Variants in PTCHD4 observed in about 807,000 individuals in gnomAD.
PTCHD4 encodes patched domain-containing protein 4.
PTCHD4 carries 33 observed loss-of-function variants against 58.1 expected under a neutral mutation model. The observed-to-expected ratio is 0.57, with a 90% CI of 0.43 to 0.76. The LOEUF is 0.76. Among genes scored for constraint, PTCHD4 ranks in the 30% least tolerant of loss-of-function variants. The pLI, the probability that PTCHD4 is intolerant of heterozygous loss-of-function variation, is 0.00. For missense variants in PTCHD4, 1,058 were observed against 1,027.1 expected (o/e 1.03, Z -0.41); for synonymous variants, 478 against 409.6 (o/e 1.17, Z -2.02).
chr6:47,972,923 C>T (rs1767570849), intron 4 of PTCHD4, among the ~76,000 whole-genome samples: 1 of 152,006 alleles, frequency 6.6e-6, no homozygotes, highest in Non-Finnish European at 1.5e-5. Flanking sequence ...AATTTTATGG[C>T]TTGCAAGTTG....
At chr6:47,929,569 A>G (rs367843579) in intron 4 of PTCHD4, among the ~76,000 whole-genome samples, 4 of 152,204 alleles carry the variant, frequency 2.6e-5, no homozygotes, top group African/African-American at 9.6e-5. Context: ...CTAACAAATC[A>G]CCATTACATT....
At chr6:47,953,827 T>C (rs1202606990) in intron 4 of PTCHD4, among the ~76,000 whole-genome samples, 1 of 152,242 alleles carries the variant, frequency 6.6e-6, no homozygotes, top group Non-Finnish European at 1.5e-5. Flanking sequence ...TTTTGAATGC[T>C]GTCTGCCAAA....
chr6:48,065,521 C>G (rs2113874876), intron 3 of PTCHD4, among the ~76,000 whole-genome samples: 1 of 152,276 alleles, frequency 6.6e-6, no homozygotes, highest in African/African-American at 2.4e-5. Context: ...CCTTGAAACA[C>G]AGGAACCAAA....
At chr6:48,029,058 T>C (rs940272600) in intron 3 of PTCHD4, among the ~76,000 whole-genome samples, 1 of 152,088 alleles carries the variant, frequency 6.6e-6, no homozygotes, top group Non-Finnish European at 1.5e-5. Flanking sequence ...CCAGAAGTTC[T>C]ATGAAATTCC....
At chr6:48,016,782 G>A (rs1401898070) in intron 3 of PTCHD4, among the ~76,000 whole-genome samples, 1 of 152,116 alleles carries the variant, frequency 6.6e-6, no homozygotes, top group Non-Finnish European at 1.5e-5. Context: ...AAATTAAAGT[G>A]ATAAGAGAGG....
chr6:47,987,767 C>T (rs991302995), intron 4 of PTCHD4, among the ~76,000 whole-genome samples: 2 of 151,804 alleles, frequency 1.3e-5, no homozygotes, highest in Non-Finnish European at 2.9e-5. Context: ...GTCTTACTCT[C>T]AGTCACATAA....
chr6:47,947,656 T>C (rs1049788129), intron 4 of PTCHD4, among the ~76,000 whole-genome samples: 1 of 152,184 alleles, frequency 6.6e-6, no homozygotes, highest in Non-Finnish European at 1.5e-5. Context: ...CTTTAAATTT[T>C]GTTCCATTGG....
At chr6:48,082,614 AT>A (rs1341230778) in intron 1 of PTCHD4, among the ~76,000 whole-genome samples, 1 of 152,108 alleles carries the variant, frequency 6.6e-6, no homozygotes, top group Non-Finnish European at 1.5e-5. Context: ...CATCCCTGCC[AT>A]TTTCTTTAGC....
At chr6:48,056,707 A>G (rs1234876321) in intron 3 of PTCHD4, among the ~76,000 whole-genome samples, 3 of 152,108 alleles carry the variant, frequency 2.0e-5, no homozygotes, top group Non-Finnish European at 2.9e-5. Context: ...ACCTTCACCT[A>G]TGCATTTCTA....
intron 3 of PTCHD4, among the ~76,000 whole-genome samples, chr6:48,063,803 T>G (rs1228380067): frequency 6.6e-6 from 1 of 152,178 alleles, no homozygotes; most frequent in African/African-American, 2.4e-5. Flanking sequence ...ATGTATACCT[T>G]ATACGGTTTT....
chr6:48,098,627 C>T (rs959334557), intron 1 of PTCHD4, among the ~76,000 whole-genome samples: 1 of 152,242 alleles, frequency 6.6e-6, no homozygotes, highest in Non-Finnish European at 1.5e-5. Context: ...GCGTGGGCCA[C>T]TGCACCTGCC....
rs538883792 is a variant in PTCHD4, at chr6:47,963,163, GA to G, written c.898+45470del. Among the ~76,000 whole-genome samples the G allele has an allele frequency of 5.2e-3, 784 of 151,152 alleles. 4 individuals are homozygous for G. The highest frequency in any genetic ancestry group is 0.017 in the African/African-American group (707 of 41,262). On this transcript the variant is annotated intron_variant, in intron 4 of 4. Transcript: ENST00000339488. ...AATAAGTAAATAAATAAATAAAAAA[GA>G]AAAAAAGAAAAATAGGAATAAGATT...
rs750813764 is a variant in PTCHD4 at position 47,879,117 on chromosome 6, T to C, written c.1718A>G (p.Gln573Arg). 6.2e-7 allele frequency: 1 copy of C among 1,612,592 alleles called. No individual in the cohort carries two copies. Among genetic ancestry groups the C allele is most frequent in the Admixed American group, 1.7e-5 (1 of 59,898 alleles). Residue 573 changes from glutamine to arginine, a missense_variant, in exon 5 of 5, where the codon CAA (glutamine) becomes CGA (arginine). Transcript: ENST00000339488. ...NNKSDFISVLQSSFLKKPEFQ... is the reference protein window; with the variant it reads ...NNKSDFISVLRSSFLKKPEFQ... ...TTCTGGCTTTTTTAAAAATGAGCTT[T>C]GCAGGACACTGATGAAGTCACTTTT... is the stretch of plus-strand genomic sequence containing the variant.
chr6:48,024,203 T>G (rs1315833012), intron 3 of PTCHD4, among the ~76,000 whole-genome samples: 3 of 152,150 alleles, frequency 2.0e-5, no homozygotes, highest in African/African-American at 7.2e-5. Context: ...ATAGAATGAT[T>G]CACTGAACTT....
intron 4 of PTCHD4, among the ~76,000 whole-genome samples, chr6:47,890,263 A>G (rs1157837813): frequency 6.6e-6 from 1 of 151,992 alleles, no homozygotes; most frequent in Non-Finnish European, 1.5e-5. Context: ...AAATAGCAAT[A>G]GAGATGGGAG....
intron 4 of PTCHD4, among the ~76,000 whole-genome samples, chr6:47,940,743 A>C (rs1435260981): frequency 6.6e-6 from 1 of 152,152 alleles, no homozygotes; most frequent in Non-Finnish European, 1.5e-5. Context: ...GGGAAAAACC[A>C]ATTTAGATGT....
chr6:47,866,592 C>T lies in PTCHD4; in HGVS notation c.*11711G>A, dbSNP rs1177797901. ...GTTGGAAAATGGGGCCTCCCCAGGC[C>T]AACTCCAACCTTATCTATAACTCTA... On this transcript the variant is annotated 3_prime_UTR_variant, in exon 5 of 5. Transcript: ENST00000339488. Among the ~76,000 whole-genome samples the T allele has an allele frequency of 1.3e-5, 2 of 151,820 alleles. No individual in the cohort carries two copies. The highest frequency in any genetic ancestry group is 2.9e-5 in the Non-Finnish European group (2 of 67,862).
At chr6:47,988,538 T>G (rs892815731) in intron 4 of PTCHD4, among the ~76,000 whole-genome samples, 2 of 152,184 alleles carry the variant, frequency 1.3e-5, no homozygotes, top group Non-Finnish European at 2.9e-5. Flanking sequence ...TCTTCAATAG[T>G]ACTCCCATAA....
In PTCHD4 at chr6:48,068,573, T is replaced by A; in HGVS notation, c.74A>T (p.Gln25Leu). 1.9e-6 allele frequency: 3 copies of A among 1,572,830 alleles called. 1 individual carries two copies. The highest frequency in any genetic ancestry group is 2.3e-5 in the South Asian group (2 of 87,060). ...MLRQVLRRGL[Q>L]SFCHRLGLCV... ...CAAACCCAGCCTGTGGCAGAACGACTGGAGCCCTCTGCGAAGCACCTGCCG... is the reference window on the plus strand; with the variant it reads ...CAAACCCAGCCTGTGGCAGAACGACAGGAGCCCTCTGCGAAGCACCTGCCG... Residue 25 changes from glutamine to leucine, a missense_variant, in exon 3 of 5, where the codon CAG (glutamine) becomes CTG (leucine). Transcript: ENST00000339488. The surrounding 1 kb of genome is among the most constrained non-coding windows in gnomAD (Gnocchi z 4.2).
Sources: allele counts gnomAD v4.1 joint callset (sites outside exome capture counted in the v4.1 genomes callset), GRCh38; gene constraint gnomAD v4.1.1; non-coding constraint Gnocchi (gnomAD v3.1); transcripts MANE v1.5; gene names NCBI Gene and HGNC (gene_info 2026-07-23, HGNC 2026-07-21).